The following MCM2 variants were observed in gnomAD, a reference collection of about 807,000 sequenced individuals.
MCM2 encodes minichromosome maintenance complex component 2.
MCM2 carries 49 observed loss-of-function variants against 86.4 expected under a neutral mutation model. That is an observed-to-expected ratio of 0.57 (90% CI 0.45 to 0.72). The LOEUF (loss-of-function observed/expected upper bound fraction) is 0.72. Ranked by LOEUF, MCM2 falls within the 30% of genes least tolerant of loss-of-function variation. MCM2 has a pLI of 0.00. For synonymous variants in MCM2, 475 were observed against 484.6 expected (o/e 0.98, Z 0.26); for missense variants, 1,038 against 1,259.9 (o/e 0.82, Z 2.67).
In MCM2 at chr3:127,618,115, G is replaced by A. The variant is rs1387546966; in HGVS notation, c.2013+34G>A. The A allele has an allele frequency of 6.4e-7, 1 of 1,568,812 alleles. No individual in the cohort carries two copies. The highest frequency in any genetic ancestry group is 1.4e-5 in the African/African-American group (1 of 74,016). The stretch of plus-strand genomic sequence containing the variant: ...CACATGTGCCCGGTTTCCATGAACT[G>A]TGGTTTGGGGACCTCAGGTGAGGCT... On this transcript the variant is annotated intron_variant, in intron 12 of 15. Transcript: ENST00000265056. This position sits in a 1 kb window ranked among gnomAD's most constrained non-coding sequence, Gnocchi z 4.0.
rs1028095105 is a variant in MCM2, at chr3:127,617,379, C to T, written c.1874C>T (p.Thr625Met). 8.1e-6 allele frequency: 13 copies of T among 1,613,958 alleles called. No homozygotes were observed. The highest frequency in any genetic ancestry group is 4.5e-5 in the East Asian group (2 of 44,872). Residue 625 changes from threonine (T) to methionine (M), a missense_variant, in exon 11 of 16, where the codon ACG becomes ATG. By Grantham distance (81) the Thr-to-Met change is moderately conservative. Transcript: ENST00000265056. This position sits in a 1 kb window ranked among gnomAD's most constrained non-coding sequence, Gnocchi z 4.1. ...GIVTSLQARC[T>M]VIAAANPIGG... ...GTCACCTCCCTGCAGGCTCGCTGCACGGTCATTGCTGCCGCCAACCCCATA... is the reference window on the plus strand; with the variant it reads ...GTCACCTCCCTGCAGGCTCGCTGCATGGTCATTGCTGCCGCCAACCCCATA...
intron 13 of MCM2, among the ~76,000 whole-genome samples, chr3:127,619,660 CAG>C: frequency 6.6e-6 from 1 of 151,822 alleles, no homozygotes; most frequent in Non-Finnish European, 1.5e-5. Context: ...GCCTGGGTGA[CAG>C]AGTGAGACTC....
intron 8 of MCM2, chr3:127,610,783 G>A (rs1024611923): frequency 1.1e-5 from 5 of 456,586 alleles, no homozygotes; most frequent in Admixed American, 2.3e-5. Flanking sequence ...GTTCAGGAAA[G>A]CTCCAGAAAT....
chr3:127,606,480 AGT>A lies in MCM2; in HGVS notation c.894-126_894-125del. 8.6e-7 allele frequency: 1 copy of A among 1,166,338 alleles called. No individual in the cohort carries two copies. The allele number at this position is 1,166,338 out of a possible 1,614,324, so 72.2% of individuals were successfully genotyped here. On this transcript the variant is annotated intron_variant, in intron 5 of 15. Coordinates refer to ENST00000265056, the MANE Select transcript of MCM2 (RefSeq NM_004526.4). This position sits in a 1 kb window ranked among gnomAD's most constrained non-coding sequence, Gnocchi z 4.2. ...CGCAGGTGAGTTGTGGTTGCACAGG[AGT>A]GTGATGGGAGGGATCTTCCCGGGCT...
intron 4 of MCM2, among the ~76,000 whole-genome samples, chr3:127,605,434 CTTTTTTTTTTTT>C (rs1227332481): frequency 3.5e-5 from 3 of 86,126 alleles, no homozygotes; most frequent in African/African-American, 4.8e-5. Context: ...GGAATTGACT[CTTTTTTTTTTTT>C]TTTTTTTTTT....
At chr3:127,612,213 C>T (rs1400715020) in intron 8 of MCM2, among the ~76,000 whole-genome samples, 1 of 152,226 alleles carries the variant, frequency 6.6e-6, no homozygotes, top group Non-Finnish European at 1.5e-5. Context: ...CCTACTCTGT[C>T]AGTTTCATGG....
rs774297212 is a variant in MCM2 at position 127,617,129 on chromosome 3, G to A, written c.1773+11G>A. ...GATGAATTTGACAAGGTGGGTCCCTGGGTCACGGAGGCTGGTGGAACTCAG... is the reference window on the plus strand; with the variant it reads ...GATGAATTTGACAAGGTGGGTCCCTAGGTCACGGAGGCTGGTGGAACTCAG... On this transcript the variant is annotated intron_variant, in intron 10 of 15. Transcript: ENST00000265056. This position sits in a 1 kb window ranked among gnomAD's most constrained non-coding sequence, Gnocchi z 4.1. The A allele has an allele frequency of 1.2e-6, 2 of 1,610,992 alleles. No individual in the cohort carries two copies. The highest frequency in any genetic ancestry group is 1.1e-5 in the South Asian group (1 of 90,876).
Position 127,608,878 on chromosome 3 carries a change from C to T in MCM2, c.1283C>T (p.Thr428Ile). ...YHNNYDGSLN[T>I]ANGFPVFATV... is the part of the protein sequence containing the mutation. ...AACAACTATGATGGCTCCCTCAACA[C>T]TGCCAATGGCTTCCCTGTCTTTGCC... The change falls in exon 8 of 16, where the codon ACT becomes ATT. Residue 428 changes from threonine to isoleucine, a missense_variant. Physicochemically the swap from Thr to Ile is moderately conservative, Grantham distance 89. Around this residue, in one of 4 missense-constraint regions of MCM2, gnomAD observed 399 missense variants for 507.2 expected, o/e 0.79. Coordinates refer to ENST00000265056, the MANE Select transcript of MCM2 (RefSeq NM_004526.4). 1 of 1,614,086 alleles carries T rather than the reference C, an allele frequency of 6.2e-7. No homozygotes were observed. Among genetic ancestry groups the T allele is most frequent in the East Asian group, 2.2e-5 (1 of 44,896 alleles).
At position 127,612,673 on chromosome 3, in the gene MCM2, C is replaced by T. The variant is rs536079190; in HGVS notation, c.1429-3189C>T. 2.0e-5 allele frequency among the ~76,000 whole-genome samples: 3 copies of T among 152,278 alleles called. No individual in the cohort carries two copies. The East Asian group carries it at 5.8e-4, about 29-fold the overall frequency. ...CACACATTATCTCAGGCTCATGGTA[C>T]CCATGCAGGTGGGTGCTTTTTCTCC... is the stretch of plus-strand genomic sequence containing the variant. On this transcript the variant is annotated intron_variant, in intron 8 of 15. Transcript: ENST00000265056.
chr3:127,603,799 C>T (rs979897316), intron 2 of MCM2, among the ~76,000 whole-genome samples: 2 of 152,134 alleles, frequency 1.3e-5, no homozygotes, highest in African/African-American at 4.8e-5. Context: ...GTAGCTGGGA[C>T]TAGAGGCACA....
At chr3:127,605,279 A>G in intron 4 of MCM2, 123 bp downstream of exon 4, 2 of 1,325,954 alleles carry the variant, frequency 1.5e-6, no homozygotes, top group East Asian at 4.8e-5. Context: ...TCTGTCAGAG[A>G]AACCAAAAGT....
At chr3:127,602,971 C>T (rs1003627491) in intron 2 of MCM2, among the ~76,000 whole-genome samples, 2 of 151,884 alleles carry the variant, frequency 1.3e-5, no homozygotes, top group African/African-American at 4.8e-5. Context: ...TCTACCTCCC[C>T]TTTTGTAATT....
At chr3:127,616,029 CAG>C (rs755992839) in intron 9 of MCM2, 74 bp downstream of exon 9, 881 of 1,233,036 alleles carry the variant, frequency 7.1e-4, no homozygotes, top group Non-Finnish European at 9.7e-4. Flanking sequence ...AAGAAGGACA[CAG>C]TGTTTTTAAA....
chr3:127,599,271 GC>G, intron 1 of MCM2, 46 bp from the exon 2 acceptor site: 3 of 1,517,118 alleles, frequency 2.0e-6, no homozygotes, highest in Non-Finnish European at 2.7e-6. Flanking sequence ...GCTGTATCAT[GC>G]CTCACCAGCT....
Position 127,619,191 on chromosome 3 carries a change from C to T in MCM2, c.2178C>T (p.Tyr726=), listed in dbSNP as rs776426152. The change falls in exon 13 of 16, where the codon TAC becomes TAT. Residue 726 remains tyrosine, a synonymous_variant. Coordinates refer to ENST00000265056, the MANE Select transcript of MCM2 (RefSeq NM_004526.4). ...AGGTCCTGAAGAAGTACATCATCTA[C>T]GCCAAGGAGAGGGTCCACCCGAAGC... The part of the protein sequence containing the change: ...PQEVLKKYII[Y]AKERVHPKLN... 6.2e-6 allele frequency: 10 copies of T among 1,614,048 alleles called. No homozygotes were observed. Among genetic ancestry groups the T allele is most frequent in the African/African-American group, 2.7e-5 (2 of 74,914 alleles).
In MCM2 at chr3:127,599,528, A is replaced by G. The variant is rs746153512; in HGVS notation, c.217A>G (p.Ile73Val). 5 of 1,613,340 alleles carry G rather than the reference A, an allele frequency of 3.1e-6. No homozygotes were observed. The highest frequency in any genetic ancestry group is 4.2e-6 in the Non-Finnish European group (5 of 1,179,536). The change falls in exon 2 of 16, where the codon ATT becomes GTT. Residue 73 changes from isoleucine (I) to valine (V), a missense_variant. This residue lies in a region of MCM2 where 300 missense variants were observed against 307.4 expected (regional missense o/e 0.98). Coordinates refer to ENST00000265056, the MANE Select transcript of MCM2 (RefSeq NM_004526.4). ...GGAAGAAGAGGATGGAGAGGAGCTC[A>G]TTGGAGATGGCATGGAAAGGTAATT... is the stretch of plus-strand genomic sequence containing the variant. The part of the protein sequence containing the change: ...LEEEEDGEEL[I>V]GDGMERDYRA...
chr3:127,608,776 C>T (rs904089711), intron 7 of MCM2, 56 bp from the exon 8 acceptor site: 92 of 1,560,286 alleles, frequency 5.9e-5, no homozygotes, highest in South Asian at 8.0e-5. Flanking sequence ...GAAGGCAGCA[C>T]GGAGGTGGGC....
intron 2 of MCM2, among the ~76,000 whole-genome samples, chr3:127,599,932 A>G (rs2074295281): frequency 6.6e-6 from 1 of 152,232 alleles, no homozygotes; most frequent in South Asian, 2.1e-4. Flanking sequence ...TTTTAGAGTC[A>G]ATCAGCAAAC....
At position 127,617,380 on chromosome 3, in the gene MCM2, G is replaced by A. The variant is rs377688408; in HGVS notation, c.1875G>A (p.Thr625=). 8.7e-6 allele frequency: 14 copies of A among 1,613,802 alleles called. No homozygotes were observed. Among genetic ancestry groups the A allele is most frequent in the Admixed American group, 3.3e-5 (2 of 59,968 alleles). ...TCACCTCCCTGCAGGCTCGCTGCAC[G>A]GTCATTGCTGCCGCCAACCCCATAG... is the stretch of plus-strand genomic sequence containing the variant. ...GIVTSLQARC[T]VIAAANPIGG... is the part of the protein sequence containing the mutation. Residue 625 remains threonine, a synonymous_variant, in exon 11 of 16, where the codon ACG becomes ACA. Coordinates refer to ENST00000265056, the MANE Select transcript of MCM2 (RefSeq NM_004526.4). This position sits in a 1 kb window ranked among gnomAD's most constrained non-coding sequence, Gnocchi z 4.1.
Sources: gnomAD v4.1 joint callset for allele counts (sites outside exome capture counted in the v4.1 genomes callset) on GRCh38, gnomAD v4.1.1 for gene constraint, gnomAD v4.1.1 regional missense constraint, Gnocchi (gnomAD v3.1) non-coding constraint, MANE v1.5 for transcripts, NCBI Gene and HGNC (gene_info 2026-07-23, HGNC 2026-07-21) for gene names.